ANKRD55: variants seen among roughly 807,000 people sequenced by gnomAD.
ANKRD55 encodes the protein ankyrin repeat domain-containing protein 55.
A neutral mutation model predicts 60.6 loss-of-function variants in ANKRD55; 41 were observed. The observed-to-expected ratio is 0.68, with a 90% confidence interval of 0.53 to 0.88. The LOEUF is 0.88. ANKRD55 is among the 40% of genes least tolerant of loss of function. The pLI, the probability that ANKRD55 is intolerant of heterozygous loss-of-function variation, is 0.00. For synonymous variants in ANKRD55, 264 were observed against 290.3 expected, an observed-to-expected ratio of 0.91 and a Z score of 0.92; for missense variants, 732 against 767.6, an observed-to-expected ratio of 0.95 and a Z score of 0.55.
At chr5:56,180,320 T>C (rs764444018) in intron 3 of ANKRD55, among the ~76,000 whole-genome samples, 11 of 152,262 alleles carry the variant, frequency 7.2e-5, no homozygotes, top group Non-Finnish European at 1.3e-4. Flanking sequence ...CTATAGCATG[T>C]AGCTTGAATG....
chr5:56,200,198 C>T (rs1759332383), intron 2 of ANKRD55, among the ~76,000 whole-genome samples: 1 of 152,050 alleles, frequency 6.6e-6, no homozygotes, highest in Admixed American at 6.6e-5. Context: ...AGGGGGTACA[C>T]AGAGCCTAGC....
At chr5:56,137,621 G>T in intron 7 of ANKRD55, 2 of 559,042 alleles carry the variant, frequency 3.6e-6, no homozygotes, top group African/African-American at 1.9e-5. Flanking sequence ...ATGACCTTGG[G>T]TTTGGTGATG....
At chr5:56,144,582 G>A (rs1003651872) in intron 6 of ANKRD55, among the ~76,000 whole-genome samples, 2 of 151,902 alleles carry the variant, frequency 1.3e-5, no homozygotes, top group South Asian at 2.1e-4. Context: ...TGGGATGGGG[G>A]ATAACTGTCT....
intron 8 of ANKRD55, among the ~76,000 whole-genome samples, chr5:56,124,808 GA>G (rs1304991399): frequency 4.6e-5 from 7 of 152,092 alleles, no homozygotes; most frequent in African/African-American, 1.4e-4. Context: ...GCCTGGCCCT[GA>G]AAAATTCAAC....
At position 56,100,099 on chromosome 5, in the gene ANKRD55, T is replaced by C. The variant is rs375504034; in HGVS notation, c.*84A>G. 1 of 1,587,012 alleles carries C rather than the reference T, an allele frequency of 6.3e-7. No homozygotes were observed. On this transcript the variant is annotated 3_prime_UTR_variant, in exon 12 of 12. Coordinates refer to ENST00000341048, the MANE Select transcript of ANKRD55 (RefSeq NM_024669.3). ...AGAATGCAGCTTACTAAATTGGTCT[T>C]CGTTCTTACAAACTGGAGTAATCTT... is the stretch of plus-strand genomic sequence containing the variant.
chr5:56,219,207 A>G (rs1759899248), intron 2 of ANKRD55, among the ~76,000 whole-genome samples: 1 of 134,840 alleles, frequency 7.4e-6, no homozygotes, highest in Non-Finnish European at 1.5e-5. Flanking sequence ...CCGGAGGTGG[A>G]GGTTGCAGTG....
chr5:56,119,794 G>A (rs1397850966), intron 8 of ANKRD55, among the ~76,000 whole-genome samples: 1 of 152,020 alleles, frequency 6.6e-6, no homozygotes, highest in African/African-American at 2.4e-5. Flanking sequence ...GTACGTGCCT[G>A]TAGTCCTCGC....
At chr5:56,102,232 A>G (rs1044516877) in intron 11 of ANKRD55, among the ~76,000 whole-genome samples, 1 of 152,072 alleles carries the variant, frequency 6.6e-6, no homozygotes, top group African/African-American at 2.4e-5. Flanking sequence ...ACTAAAAAAA[A>G]TACAAAAATT....
intron 2 of ANKRD55, among the ~76,000 whole-genome samples, chr5:56,198,349 G>T (rs191824672): frequency 8.4e-4 from 127 of 151,668 alleles, no homozygotes; most frequent in Admixed American, 2.8e-3. Context: ...ACCCAGGCGT[G>T]ATCTTGGCTC....
chr5:56,145,521 G>T (rs1183000441), intron 6 of ANKRD55, among the ~76,000 whole-genome samples: 5 of 152,220 alleles, frequency 3.3e-5, no homozygotes, highest in Non-Finnish European at 7.3e-5. Flanking sequence ...AACAGCACTG[G>T]ATTATGATAT....
chr5:56,217,729 C>A (rs753782795), intron 2 of ANKRD55, among the ~76,000 whole-genome samples: 1 of 151,974 alleles, frequency 6.6e-6, no homozygotes, highest in Non-Finnish European at 1.5e-5. Context: ...CCCATCTCTA[C>A]TAAAAATACA....
intron 6 of ANKRD55, among the ~76,000 whole-genome samples, chr5:56,157,818 CGG>C (rs1415128554): frequency 6.6e-6 from 1 of 152,142 alleles, no homozygotes; most frequent in African/African-American, 2.4e-5. Context: ...AGACCGGAGC[CGG>C]CGCGCGTCCT....
chr5:56,122,260 G>T (rs568458571), intron 8 of ANKRD55, among the ~76,000 whole-genome samples: 7 of 152,302 alleles, frequency 4.6e-5, no homozygotes, highest in Admixed American at 4.6e-4. Flanking sequence ...GAGCTTGGAG[G>T]TGGCCTAAAG....
intron 9 of ANKRD55, among the ~76,000 whole-genome samples, chr5:56,113,477 T>C (rs1318914641): frequency 1.3e-5 from 2 of 152,206 alleles, no homozygotes; most frequent in African/African-American, 4.8e-5. Flanking sequence ...GCAATTCTAC[T>C]ATATACGGAG....
intron 6 of ANKRD55, among the ~76,000 whole-genome samples, chr5:56,145,509 C>T (rs1757875446): frequency 6.6e-6 from 1 of 152,230 alleles, no homozygotes; most frequent in African/African-American, 2.4e-5. Context: ...ACCACCCTGC[C>T]AAACAGCACT....
chr5:56,233,119 AAG>A, intron 1 of ANKRD55, 120 bp downstream of exon 1: 1 of 598,572 alleles, frequency 1.7e-6, no homozygotes, highest in Non-Finnish European at 3.0e-6. Flanking sequence ...CTGCTAGGAA[AAG>A]AGTTACTCTA....
At chr5:56,133,057 G>A (rs6861353) in intron 7 of ANKRD55, among the ~76,000 whole-genome samples, 26,648 of 152,156 alleles carry the variant, frequency 0.18, 2,700 homozygotes, top group African/African-American at 0.28. Context: ...AGATGAGTCC[G>A]CTTTATAGTT....
At position 56,203,215 on chromosome 5, in the gene ANKRD55, G is replaced by A. The variant is rs534941126; in HGVS notation, c.59-19581C>T. Among the ~76,000 whole-genome samples, 31 of 152,228 alleles carry A rather than the reference G, an allele frequency of 2.0e-4. No homozygotes were observed. In the South Asian group the frequency reaches 5.6e-3, roughly 28 times the overall value. ...CAAATCTCATCTTGAATTGTAATCCGAATTGTAATCCCTACATGTTGGCGG... is the reference window on the plus strand; with the variant it reads ...CAAATCTCATCTTGAATTGTAATCCAAATTGTAATCCCTACATGTTGGCGG... On this transcript the variant is annotated intron_variant, in intron 2 of 11. Coordinates refer to ENST00000341048, the MANE Select transcript of ANKRD55 (RefSeq NM_024669.3).
At chr5:56,208,549 C>G (rs193285210) in intron 2 of ANKRD55, among the ~76,000 whole-genome samples, 1,813 of 151,486 alleles carry the variant, frequency 0.012, 14 homozygotes, top group Non-Finnish European at 0.02. Flanking sequence ...CTTAGCCTCC[C>G]GAGTAGCTGG....
Sources: gnomAD v4.1 joint callset for allele counts (sites outside exome capture counted in the v4.1 genomes callset) on GRCh38, gnomAD v4.1.1 for gene constraint, MANE v1.5 for transcripts, NCBI Gene and HGNC (gene_info 2026-07-23, HGNC 2026-07-21) for gene names.